Variants in ARMC5 observed in about 807,000 individuals in gnomAD.
ARMC5 encodes the protein armadillo repeat-containing protein 5.
Under a neutral mutation model 60.5 loss-of-function variants are expected in ARMC5, and 28 were observed. The observed-to-expected ratio is 0.46, with a 90% CI of 0.34 to 0.63. ARMC5 has a LOEUF of 0.63. ARMC5 is among the 30% of genes least tolerant of loss of function. The pLI, the probability that ARMC5 is intolerant of heterozygous loss-of-function variation, is 0.01. For missense variants in ARMC5, 1,189 were observed against 1,304.9 expected (o/e 0.91, Z 1.37); for synonymous variants, 680 against 607.3 (o/e 1.12, Z -1.76).
chr16:31,459,716 C>T lies in ARMC5; in HGVS notation c.192C>T (p.Arg64=), dbSNP rs773106431. 22 of 1,557,742 alleles carry T rather than the reference C, an allele frequency of 1.4e-5. 1 individual carries two copies. The highest frequency in any genetic ancestry group is 8.2e-5 in the South Asian group (7 of 85,642). ...GGGGAATCGAGCGCTTCCGGGCACG[C>T]GGCGGGCTCCGCCCCCTACTCGCGC... ...AAGGIERFRA[R]GGLRPLLALL... Residue 64 remains arginine (R), a synonymous_variant, in exon 1 of 6, where the codon CGC becomes CGT. Transcript: ENST00000268314.
In ARMC5 at chr16:31,462,044, G is replaced by T. The variant is rs1212766302; in HGVS notation, c.583+15G>T. Reference sequence around the variant, plus strand: ...CCACTGTGCTGGTAAGAGGCTGTGAGGTTGGGGTCTGCTAGGGCTTGGGGC... The same window carrying T: ...CCACTGTGCTGGTAAGAGGCTGTGATGTTGGGGTCTGCTAGGGCTTGGGGC... On this transcript the variant is annotated intron_variant, in intron 2 of 5. Coordinates refer to ENST00000268314, the MANE Select transcript of ARMC5 (RefSeq NM_001105247.2). The surrounding 1 kb of genome is among the most constrained non-coding windows in gnomAD (Gnocchi z 7.2). The T allele has an allele frequency of 1.2e-6, 2 of 1,613,882 alleles. No individual in the cohort carries two copies. The highest frequency in any genetic ancestry group is 2.2e-5 in the South Asian group (2 of 91,078).
At position 31,466,011 on chromosome 16, in the gene ARMC5, T is replaced by A. The variant is rs1282921340; in HGVS notation, c.1997+29T>A. 6.3e-7 allele frequency: 1 copy of A among 1,597,022 alleles called. No individual in the cohort carries two copies. ...AGTGGGAAGTGGGTGCCTTGCGGGG[T>A]TGGGGGAGGAGTGCTGTGTTTCCCA... On this transcript the variant is annotated intron_variant, in intron 5 of 5. Coordinates refer to ENST00000268314, the MANE Select transcript of ARMC5 (RefSeq NM_001105247.2). The surrounding 1 kb of genome is among the most constrained non-coding windows in gnomAD (Gnocchi z 8.0).
Position 31,466,317 on chromosome 16 carries a change from C to G in ARMC5, c.2236C>G (p.Pro746Ala). Residue 746 changes from proline (P) to alanine (A), a missense_variant, in exon 6 of 6, where the codon CCA (proline) becomes GCA (alanine). Transcript: ENST00000268314. This position sits in a 1 kb window ranked among gnomAD's most constrained non-coding sequence, Gnocchi z 8.0. Reference sequence around the variant, plus strand: ...ACCTCTGCTGGGCCCAGCCCCTGTCCCAGCTCCCGACCTGCACTTCCTGCT... The same window carrying G: ...ACCTCTGCTGGGCCCAGCCCCTGTCGCAGCTCCCGACCTGCACTTCCTGCT... The part of the protein sequence containing the change: ...YEPLLGPAPV[P>A]APDLHFLLDS... 1 of 1,613,822 alleles carries G rather than the reference C, an allele frequency of 6.2e-7. No individual in the cohort carries two copies. The highest frequency in any genetic ancestry group is 8.5e-7 in the Non-Finnish European group (1 of 1,179,894).
rs1197883705 is a variant in ARMC5 at position 31,459,763 on chromosome 16, C to T, written c.239C>T (p.Ala80Val). 3 of 1,534,796 alleles carry T rather than the reference C, an allele frequency of 2.0e-6. No homozygotes were observed. The highest frequency in any genetic ancestry group is 2.5e-5 in the East Asian group (1 of 40,060). Residue 80 changes from alanine to valine, a missense_variant, in exon 1 of 6, where the codon GCG becomes GTG. Physicochemically the swap from Ala to Val is moderately conservative, Grantham distance 64 (BLOSUM62 0). This residue lies in a region of ARMC5 where 327 missense variants were observed against 233.7 expected (regional missense o/e 1.40). Transcript: ENST00000268314. ...GCGCTGCTACGGCGAGCGGCTGCAG[C>T]GGGTTCCGCCCCGTCCCAGGCAGGC... is the stretch of plus-strand genomic sequence containing the variant. ...LLALLRRAAAAGSAPSQAGPG... is the reference protein window; with the variant it reads ...LLALLRRAAAVGSAPSQAGPG...
rs200309618 is a variant in ARMC5 at position 31,459,621 on chromosome 16, C to T, written c.97C>T (p.Pro33Ser). The T allele has an allele frequency of 7.6e-4, 1,211 of 1,596,928 alleles. 1 individual carries two copies. The highest frequency in any genetic ancestry group is 1.1e-3 in the Admixed American group (65 of 59,254). Residue 33 changes from proline to serine, a missense_variant, in exon 1 of 6, where the codon CCA becomes TCA. This residue lies in a region of ARMC5 where 327 missense variants were observed against 233.7 expected (regional missense o/e 1.40). Coordinates refer to ENST00000268314, the MANE Select transcript of ARMC5 (RefSeq NM_001105247.2). ...AGEALGGEKD[P>S]ATNETPLSRA... ...GGAGGCTCTGGGTGGGGAAAAGGAC[C>T]CAGCGACCAACGAGACACCCCTGAG...
At chr16:31,465,081 T>C (rs78062245) in intron 4 of ARMC5, 194 bp downstream of exon 4, 3 of 1,614,054 alleles carry the variant, frequency 1.9e-6, no homozygotes, top group African/African-American at 1.3e-5. Flanking sequence ...AGAGTTCTGC[T>C]GTGTCCTCTG....
At chr16:31,459,164 G>A (rs1411670932), upstream of ARMC5, 2 of 1,509,154 alleles carry the variant, frequency 1.3e-6, no homozygotes, top group Non-Finnish European at 1.8e-6. Flanking sequence ...GCACGCCGGG[G>A]GCGGGGCACG....
At chr16:31,460,093 C>A in intron 1 of ARMC5, 94 bp downstream of exon 1, 1 of 1,338,444 alleles carries the variant, frequency 7.5e-7, no homozygotes, top group Non-Finnish European at 1.0e-6. Flanking sequence ...TGTCCTATCC[C>A]GGAATAACGT....
chr16:31,465,166 T>C, intron 4 of ARMC5: 1 of 1,608,854 alleles, frequency 6.2e-7, no homozygotes. Flanking sequence ...TCTGTGCTTC[T>C]TTCCTGGCTC....
At position 31,465,030 on chromosome 16, in the gene ARMC5, T is replaced by C. The variant is rs750151149; in HGVS notation, c.1864+143T>C. On this transcript the variant is annotated intron_variant, in intron 4 of 5. Transcript: ENST00000268314. The stretch of plus-strand genomic sequence containing the variant: ...CAGACAACCTGTCACCAGAGTGGGG[T>C]GGGGAGCAGGGCGTTCCAGTCCCTC... The C allele has an allele frequency of 1.5e-5, 24 of 1,612,298 alleles. 1 individual carries two copies. The South Asian group carries it at 2.3e-4, about 16-fold the overall frequency.
chr16:31,461,370 C>CA (rs2082302115), intron 1 of ARMC5, among the ~76,000 whole-genome samples: 1 of 152,208 alleles, frequency 6.6e-6, no homozygotes, highest in Non-Finnish European at 1.5e-5. Context: ...TGAAGCCTTT[C>CA]ACAGACACTG....
chr16:31,467,043 C>T lies in ARMC5; in HGVS notation c.*154C>T, dbSNP rs1470632642. On this transcript the variant is annotated 3_prime_UTR_variant, in exon 6 of 6. Transcript: ENST00000268314. ...ACTCCAAGATGACGATCTAAAGACC[C>T]GGGAGCGAGAAGCCAAGGCCAGGTT... The T allele has an allele frequency of 4.6e-5, 49 of 1,068,632 alleles. No individual in the cohort carries two copies. Among genetic ancestry groups the T allele is most frequent in the South Asian group, 6.7e-5 (3 of 44,888 alleles). 66.2% of individuals were successfully genotyped at this position (1,068,632 alleles called of 1,614,324 possible).
upstream of ARMC5, chr16:31,458,348 C>G: frequency 1.3e-6 from 2 of 1,496,152 alleles, no homozygotes; most frequent in Non-Finnish European, 1.8e-6. Flanking sequence ...CAGGTTGGAG[C>G]TGACGCTGAA....
chr16:31,459,632 C>G lies in ARMC5; in HGVS notation c.108C>G (p.Asn36Lys), dbSNP rs573009657. The change falls in exon 1 of 6, where the codon AAC becomes AAG. Residue 36 changes from asparagine (N) to lysine (K), a missense_variant. By Grantham distance (94) the Asn-to-Lys change is moderately conservative. Transcript: ENST00000268314. Reference sequence around the variant, plus strand: ...GTGGGGAAAAGGACCCAGCGACCAACGAGACACCCCTGAGCCGCGCGCTCC... The same window carrying G: ...GTGGGGAAAAGGACCCAGCGACCAAGGAGACACCCCTGAGCCGCGCGCTCC... ...ALGGEKDPAT[N>K]ETPLSRALLA... The G allele has an allele frequency of 2.9e-5, 47 of 1,597,006 alleles. No individual in the cohort carries two copies. In the Admixed American group the frequency reaches 3.0e-4, roughly 10 times the overall value.
chr16:31,464,892 G>A lies in ARMC5; in HGVS notation c.1864+5G>A. 1 of 1,605,988 alleles carries A rather than the reference G, an allele frequency of 6.2e-7. No individual in the cohort carries two copies. Among genetic ancestry groups the A allele is most frequent in the Non-Finnish European group, 8.5e-7 (1 of 1,179,620 alleles). On this transcript the variant is annotated splice_donor_5th_base_variant and intron_variant, in intron 4 of 5. Transcript: ENST00000268314. This position sits in a 1 kb window ranked among gnomAD's most constrained non-coding sequence, Gnocchi z 7.6. ...ACAGCCGGCACCGAGAGCTGGGTGA[G>A]TTCCCATACCCACCCGTCTCCTTGC... is the stretch of plus-strand genomic sequence containing the variant.
upstream of ARMC5, chr16:31,458,591 T>G (rs2082267425): frequency 6.8e-7 from 1 of 1,468,702 alleles, no homozygotes; most frequent in Non-Finnish European, 9.2e-7. Context: ...CACTCGCAGG[T>G]TTTGGGGCTT....
Position 31,464,898 on chromosome 16 carries a change from A to C in ARMC5, c.1864+11A>C. 1.9e-6 allele frequency: 3 copies of C among 1,606,334 alleles called. No homozygotes were observed. The highest frequency in any genetic ancestry group is 2.5e-6 in the Non-Finnish European group (3 of 1,179,370). On this transcript the variant is annotated intron_variant, in intron 4 of 5. Coordinates refer to ENST00000268314, the MANE Select transcript of ARMC5 (RefSeq NM_001105247.2). The surrounding 1 kb of genome is among the most constrained non-coding windows in gnomAD (Gnocchi z 7.6). ...GGCACCGAGAGCTGGGTGAGTTCCC[A>C]TACCCACCCGTCTCCTTGCCCCCAT...
At chr16:31,459,278 C>T (rs531990046), upstream of ARMC5, 288 of 1,534,408 alleles carry the variant, frequency 1.9e-4, 2 homozygotes, top group East Asian at 6.4e-3. Flanking sequence ...GCGTGAGAAG[C>T]TCGACGCGGA....
chr16:31,458,585 C>T (rs995977338), upstream of ARMC5: 3 of 1,477,192 alleles, frequency 2.0e-6, no homozygotes, highest in Admixed American at 6.0e-5. Context: ...TTCCGGCACT[C>T]GCAGGTTTTG....
Sources: gnomAD v4.1 joint callset for allele counts (sites outside exome capture counted in the v4.1 genomes callset) on GRCh38, gnomAD v4.1.1 for gene constraint, gnomAD v4.1.1 regional missense constraint, Gnocchi (gnomAD v3.1) non-coding constraint, MANE v1.5 for transcripts, NCBI Gene and HGNC (gene_info 2026-07-23, HGNC 2026-07-21) for gene names.